ERC1: variants seen among roughly 807,000 people sequenced by gnomAD.
ERC1 encodes the protein RAB6 interacting protein 2.
Under a neutral mutation model 132.0 loss-of-function variants are expected in ERC1, and 56 were observed. The ratio of observed to expected loss-of-function variants is 0.42; its 90% CI spans 0.34 to 0.53. ERC1 has a LOEUF of 0.53. Ranked by LOEUF, ERC1 falls within the 20% of genes least tolerant of loss-of-function variation. ERC1 has a pLI of 0.03. For missense variants in ERC1, 1,202 were observed against 1,349.9 expected, an observed-to-expected ratio of 0.89 and a Z score of 1.72; for synonymous variants, 478 against 476.1, an observed-to-expected ratio of 1.00 and a Z score of -0.05.
chr12:1,411,616 A>G (rs904336532), intron 17 of ERC1, among the ~76,000 whole-genome samples: 1 of 152,190 alleles, frequency 6.6e-6, no homozygotes, highest in East Asian at 1.9e-4. Flanking sequence ...GAGAGCAGTC[A>G]ATGTGCTAAT....
intron 18 of ERC1, among the ~76,000 whole-genome samples, chr12:1,464,779 C>T (rs1428197987): frequency 6.6e-6 from 1 of 151,940 alleles, no homozygotes; most frequent in Non-Finnish European, 1.5e-5. Context: ...CTCAGCCTCC[C>T]AAAGTGCTGG....
chr12:1,093,041 A>G (rs1025683754), intron 3 of ERC1, among the ~76,000 whole-genome samples: 4 of 152,214 alleles, frequency 2.6e-5, no homozygotes, highest in African/African-American at 9.6e-5. Flanking sequence ...TCTTTTCAGC[A>G]TGTACAACAG....
chr12:1,424,222 T>C (rs2092533641), intron 17 of ERC1, among the ~76,000 whole-genome samples: 1 of 152,176 alleles, frequency 6.6e-6, no homozygotes, highest in Admixed American at 6.5e-5. Context: ...ACATAATGAA[T>C]GAGTAGGCAA....
intron 15 of ERC1, among the ~76,000 whole-genome samples, chr12:1,296,165 A>T (rs968629799): frequency 6.6e-6 from 1 of 152,040 alleles, no homozygotes; most frequent in African/African-American, 2.4e-5. Context: ...TCTCTACAAA[A>T]ATGTTTTTAA....
At chr12:1,489,904 C>T (rs1411363356) in intron 18 of ERC1, among the ~76,000 whole-genome samples, 189 bp from the exon 19 acceptor site, 1 of 152,188 alleles carries the variant, frequency 6.6e-6, no homozygotes, top group Non-Finnish European at 1.5e-5. Context: ...GAACCAGTGA[C>T]TAACTTTTTG....
At chr12:1,467,362 C>T (rs2093764152) in intron 18 of ERC1, among the ~76,000 whole-genome samples, 1 of 152,032 alleles carries the variant, frequency 6.6e-6, no homozygotes, top group South Asian at 2.1e-4. Flanking sequence ...TTAGCGTGCC[C>T]AGTGTATCTA....
At chr12:1,075,960 G>C (rs151337959) in intron 2 of ERC1, among the ~76,000 whole-genome samples, 13 of 152,250 alleles carry the variant, frequency 8.5e-5, no homozygotes, top group African/African-American at 3.1e-4. Flanking sequence ...AGGGTCAACT[G>C]TACTTTGTTT....
intron 15 of ERC1, among the ~76,000 whole-genome samples, chr12:1,297,344 T>C (rs918011203): frequency 6.6e-6 from 1 of 151,520 alleles, no homozygotes; most frequent in African/African-American, 2.4e-5. Context: ...TGCTAATGAG[T>C]GTTCTTCAAG....
At chr12:1,342,062 TTAA>T (rs2083950607) in intron 15 of ERC1, among the ~76,000 whole-genome samples, 1 of 152,066 alleles carries the variant, frequency 6.6e-6, no homozygotes, top group African/African-American at 2.4e-5. Context: ...GGAGATTATA[TTAA>T]TAATATACTA....
rs1161825918 is a variant in ERC1 at position 1,422,949 on chromosome 12, T to C, written c.3024+14702T>C. Among the ~76,000 whole-genome samples the C allele has an allele frequency of 2.0e-5, 3 of 152,244 alleles. No homozygotes were observed. In the East Asian group the frequency reaches 5.8e-4, roughly 29 times the overall value. ...TGGTTTGCATTTGCATGCAAATGAT[T>C]AGTGATGCTCAGCATTTTTTCATGT... is the stretch of plus-strand genomic sequence containing the variant. On this transcript the variant is annotated intron_variant, in intron 17 of 18. Coordinates refer to ENST00000360905, the MANE Select transcript of ERC1 (RefSeq NM_178040.4).
chr12:1,294,998 T>C (rs1318549524), intron 15 of ERC1, among the ~76,000 whole-genome samples: 1 of 152,166 alleles, frequency 6.6e-6, no homozygotes, highest in Admixed American at 6.5e-5. Flanking sequence ...GATTAGAAGA[T>C]GGTCTGTGTA....
intron 13 of ERC1, among the ~76,000 whole-genome samples, chr12:1,259,026 C>T (rs923146617): frequency 1.3e-5 from 2 of 152,116 alleles, no homozygotes; most frequent in Non-Finnish European, 2.9e-5. Context: ...GTCTTTAGAT[C>T]CCTATTGATT....
intron 17 of ERC1, among the ~76,000 whole-genome samples, chr12:1,413,039 G>A (rs899226463): frequency 6.6e-6 from 1 of 152,180 alleles, no homozygotes; most frequent in Non-Finnish European, 1.5e-5. Flanking sequence ...GACAGTAAAA[G>A]AGGTAGTGAA....
At position 1,284,724 on chromosome 12, in the gene ERC1, G is replaced by A. The variant is rs569773064; in HGVS notation, c.2620-5128G>A. On this transcript the variant is annotated intron_variant, in intron 14 of 18. Coordinates refer to ENST00000360905, the MANE Select transcript of ERC1 (RefSeq NM_178040.4). ...CTTGTTCTGTTACCCAGGCTGGAGCGCAGTGGTGTGATCATAGCTCACTGC... is the reference window on the plus strand; with the variant it reads ...CTTGTTCTGTTACCCAGGCTGGAGCACAGTGGTGTGATCATAGCTCACTGC... Among the ~76,000 whole-genome samples the A allele has an allele frequency of 4.6e-5, 7 of 152,224 alleles. No individual in the cohort carries two copies. In the East Asian group the frequency reaches 7.7e-4, roughly 17 times the overall value.
chr12:1,225,476 A>G (rs1413837035), intron 12 of ERC1, among the ~76,000 whole-genome samples: 1 of 151,846 alleles, frequency 6.6e-6, no homozygotes. Flanking sequence ...ACACACACAC[A>G]CACACACACA....
intron 8 of ERC1, among the ~76,000 whole-genome samples, chr12:1,169,364 T>G (rs757070923): frequency 1.3e-5 from 2 of 152,296 alleles, no homozygotes; most frequent in Non-Finnish European, 2.9e-5. Context: ...CATCCAGTGA[T>G]TGATCCTTAT....
chr12:1,462,558 A>G (rs989798845), intron 18 of ERC1, among the ~76,000 whole-genome samples: 3 of 152,246 alleles, frequency 2.0e-5, no homozygotes, highest in African/African-American at 7.2e-5. Flanking sequence ...GTTAAGCAAA[A>G]GAAGCCAGAC....
intron 2 of ERC1, among the ~76,000 whole-genome samples, chr12:1,045,036 A>G (rs1263932429): frequency 6.6e-6 from 1 of 152,174 alleles, no homozygotes; most frequent in African/African-American, 2.4e-5. Flanking sequence ...AACTCTCCAC[A>G]AATAATTTAA....
intron 1 of ERC1, among the ~76,000 whole-genome samples, chr12:1,003,332 G>T (rs1962841501): frequency 1.3e-5 from 2 of 152,014 alleles, no homozygotes; most frequent in Non-Finnish European, 2.9e-5. Flanking sequence ...TTTAGTCCTA[G>T]TATCTGATGG....
Sources: allele counts gnomAD v4.1 joint callset (sites outside exome capture counted in the v4.1 genomes callset), GRCh38; gene constraint gnomAD v4.1.1; transcripts MANE v1.5; gene names NCBI Gene and HGNC (gene_info 2026-07-23, HGNC 2026-07-21).